The following CAMTA1 variants were observed in gnomAD, a reference collection of about 807,000 sequenced individuals.
CAMTA1 encodes calmodulin-binding transcription activator 1.
Under a neutral mutation model 170.9 loss-of-function variants are expected in CAMTA1, and 27 were observed. The ratio of observed to expected loss-of-function variants is 0.16; its 90% CI spans 0.12 to 0.22. The LOEUF (loss-of-function observed/expected upper bound fraction) is 0.22, where lower values mean the gene tolerates loss of function less well. Among genes scored for constraint, CAMTA1 ranks in the 10% least tolerant of loss-of-function variants. The probability of loss-of-function intolerance (pLI) is 1.00; values close to 1 mark genes in which losing one functional copy is unlikely to be tolerated. For missense variants in CAMTA1, 1,619 were observed against 2,217.2 expected (o/e 0.73, Z 5.42); for synonymous variants, 833 against 891.5 (o/e 0.93, Z 1.17).
rs2095988703 is a variant in CAMTA1, at chr1:7,664,948, A to G, written c.2401A>G (p.Thr801Ala). The change falls in exon 9 of 23, where the codon ACG becomes GCG. Residue 801 changes from threonine (T) to alanine (A), a missense_variant. Coordinates refer to ENST00000303635, the MANE Select transcript of CAMTA1 (RefSeq NM_015215.4). The part of the protein sequence containing the change: ...YGHQLVSGDS[T>A]ALSQSEDGAR... ...GCACCAGCTGGTGTCGGGGGACAGC[A>G]CGGCGCTCTCACAGTCAGAGGACGG... 1 of 1,612,884 alleles carries G rather than the reference A, an allele frequency of 6.2e-7. No individual in the cohort carries two copies. Among genetic ancestry groups the G allele is most frequent in the African/African-American group, 1.3e-5 (1 of 74,934 alleles).
intron 5 of CAMTA1, among the ~76,000 whole-genome samples, chr1:7,401,263 G>T (rs2089880840): frequency 1.3e-5 from 2 of 152,128 alleles, no homozygotes; most frequent in Non-Finnish European, 2.9e-5. Context: ...TTATTGAAAT[G>T]ACTGTCCTTT....
chr1:7,529,975 C>T lies in CAMTA1; in HGVS notation c.510+62074C>T, dbSNP rs574112597. ...CATTCTTGGAGGGGCATCTGCTGCC[C>T]GTGCCCAGCATGCTCCCCTGCCACC... On this transcript the variant is annotated intron_variant, in intron 6 of 22. Transcript: ENST00000303635. Among the ~76,000 whole-genome samples the T allele has an allele frequency of 1.4e-4, 21 of 152,308 alleles. No individual in the cohort carries two copies. The South Asian group carries it at 3.9e-3, about 29-fold the overall frequency.
intron 3 of CAMTA1, among the ~76,000 whole-genome samples, chr1:6,902,898 T>C (rs943985390): frequency 1.3e-5 from 2 of 152,200 alleles, no homozygotes; most frequent in Non-Finnish European, 2.9e-5. Context: ...GGAGACTTGA[T>C]TGGCAGGTTT....
At chr1:7,185,941 T>A (rs1653166089) in intron 4 of CAMTA1, among the ~76,000 whole-genome samples, 1 of 152,240 alleles carries the variant, frequency 6.6e-6, no homozygotes, top group African/African-American at 2.4e-5. Context: ...CGAGTTTGTG[T>A]TCTTTTCTTT....
At chr1:7,199,094 C>T (rs1287431349) in intron 4 of CAMTA1, among the ~76,000 whole-genome samples, 2 of 152,122 alleles carry the variant, frequency 1.3e-5, no homozygotes, top group African/African-American at 2.4e-5. Flanking sequence ...GAGGTTTGCG[C>T]GGCACGTGGT....
Position 7,443,875 on chromosome 1 carries a change from G to A in CAMTA1, c.439-23955G>A, listed in dbSNP as rs1354698968. Among the ~76,000 whole-genome samples the A allele has an allele frequency of 6.6e-6, 1 of 152,170 alleles. No individual in the cohort carries two copies. Among genetic ancestry groups the A allele is most frequent in the Non-Finnish European group, 1.5e-5 (1 of 68,040 alleles). The stretch of plus-strand genomic sequence containing the variant: ...TCCCAGCTGAGCAGGCCAGAGGGAG[G>A]AGGCACAGCCTCTCACCCATGCCTC... On this transcript the variant is annotated intron_variant, in intron 5 of 22. Coordinates refer to ENST00000303635, the MANE Select transcript of CAMTA1 (RefSeq NM_015215.4). This position sits in a 1 kb window ranked among gnomAD's most constrained non-coding sequence, Gnocchi z 4.1.
chr1:7,089,743 A>G (rs550259342), intron 3 of CAMTA1, among the ~76,000 whole-genome samples: 1 of 152,322 alleles, frequency 6.6e-6, no homozygotes, highest in Admixed American at 6.5e-5. Context: ...ATTAGAATGC[A>G]GAGTGATAAA....
At chr1:7,223,075 G>A (rs1383177190) in intron 4 of CAMTA1, among the ~76,000 whole-genome samples, 1 of 152,128 alleles carries the variant, frequency 6.6e-6, no homozygotes, top group Non-Finnish European at 1.5e-5. Flanking sequence ...TCGCCCTTGC[G>A]GGCCACCCCC....
intron 6 of CAMTA1, among the ~76,000 whole-genome samples, chr1:7,511,784 C>T (rs1218357394): frequency 2.6e-5 from 4 of 152,198 alleles, no homozygotes; most frequent in East Asian, 1.9e-4. Flanking sequence ...CTCCTGGGCA[C>T]TTGGGACCTG....
In CAMTA1 at chr1:6,887,600, A is replaced by G. The variant is rs371149140; in HGVS notation, c.234+62390A>G. On this transcript the variant is annotated intron_variant, in intron 3 of 22. Transcript: ENST00000303635. This position sits in a 1 kb window ranked among gnomAD's most constrained non-coding sequence, Gnocchi z 4.1. ...AAATGGGGCAAATTTTTCTTCAGTT[A>G]AAAACAGAAATAGAAGCGACGGTTT... 6.5e-7 allele frequency: 1 copy of G among 1,527,106 alleles called. No homozygotes were observed. The highest frequency in any genetic ancestry group is 2.0e-5 in the Admixed American group (1 of 49,600). 94.6% of individuals were successfully genotyped at this position (1,527,106 alleles called of 1,614,324 possible). A position where few individuals can be genotyped will look rare whatever the true frequency, so the allele number is the denominator to read the frequency against.
At chr1:6,984,181 T>TG (rs1386295027) in intron 3 of CAMTA1, among the ~76,000 whole-genome samples, 1 of 73,762 alleles carries the variant, frequency 1.4e-5, no homozygotes, top group East Asian at 4.2e-4. Flanking sequence ...GGTTGGTAGG[T>TG]GAGTGGATAG....
At position 7,613,024 on chromosome 1, in the gene CAMTA1, AGT is replaced by A. The variant is rs145470487; in HGVS notation, c.511-27371_511-27370del. On this transcript the variant is annotated intron_variant, in intron 6 of 22. Transcript: ENST00000303635. Reference sequence around the variant, plus strand: ...TCCATGTGCACCAGTCTTAACCGGGAGTGTGTTTCCCAAAGACAGGTAGCTCA... The same window carrying A: ...TCCATGTGCACCAGTCTTAACCGGGAGTGTTTCCCAAAGACAGGTAGCTCA... Among the ~76,000 whole-genome samples the A allele has an allele frequency of 4.3e-3, 655 of 152,196 alleles. 7 individuals are homozygous for A. The highest frequency in any genetic ancestry group is 0.015 in the African/African-American group (637 of 41,512).
chr1:7,348,898 A>T (rs1301272004), intron 5 of CAMTA1, among the ~76,000 whole-genome samples: 2 of 152,198 alleles, frequency 1.3e-5, no homozygotes, highest in African/African-American at 2.4e-5. Flanking sequence ...TCAGTTGCCC[A>T]TCAAAGTTGC....
In CAMTA1 at chr1:7,257,232, G is replaced by A. The variant is rs145819599; in HGVS notation, c.438+7606G>A. Among the ~76,000 whole-genome samples, 1,024 of 152,192 alleles carry A rather than the reference G, an allele frequency of 6.7e-3. 9 individuals are homozygous for A. The highest frequency in any genetic ancestry group is 0.014 in the Middle Eastern group (4 of 294). On this transcript the variant is annotated intron_variant, in intron 5 of 22. Transcript: ENST00000303635. ...TTTTACTGACTATCCAGTCCTGTGC[G>A]CATCATCTTATCTGCATCATCTCAT...
At chr1:6,977,489 T>C (rs1329455414) in intron 3 of CAMTA1, among the ~76,000 whole-genome samples, 1 of 152,122 alleles carries the variant, frequency 6.6e-6, no homozygotes, top group East Asian at 1.9e-4. Flanking sequence ...TACACGTGCG[T>C]GCCACCACAC....
intron 3 of CAMTA1, among the ~76,000 whole-genome samples, chr1:7,054,781 G>T (rs1372239049): frequency 6.6e-6 from 1 of 152,218 alleles, no homozygotes; most frequent in East Asian, 1.9e-4. Context: ...GATGGTATAT[G>T]AGTCCACTCT....
intron 3 of CAMTA1, among the ~76,000 whole-genome samples, chr1:6,997,753 C>T (rs1397121804): frequency 2.0e-5 from 3 of 150,230 alleles, no homozygotes; most frequent in Admixed American, 6.6e-5. Flanking sequence ...CTCCACCTCC[C>T]GGGTTCAAGC....
chr1:7,257,305 C>T, intron 5 of CAMTA1, among the ~76,000 whole-genome samples: 1 of 152,198 alleles, frequency 6.6e-6, no homozygotes, highest in Non-Finnish European at 1.5e-5. Context: ...TTGTCATCCT[C>T]ATTTCATCCA....
intron 5 of CAMTA1, among the ~76,000 whole-genome samples, chr1:7,343,609 G>A (rs2084000574): frequency 6.6e-6 from 1 of 152,132 alleles, no homozygotes; most frequent in Admixed American, 6.5e-5. Context: ...CCAATTAACT[G>A]TGTCTGCCAC....
Sources: gnomAD v4.1 joint callset for allele counts (sites outside exome capture counted in the v4.1 genomes callset) on GRCh38, gnomAD v4.1.1 for gene constraint, Gnocchi (gnomAD v3.1) non-coding constraint, MANE v1.5 for transcripts, NCBI Gene and HGNC (gene_info 2026-07-23, HGNC 2026-07-21) for gene names.